The following GRB7 variants were observed in gnomAD, a reference collection of about 807,000 sequenced individuals.
GRB7 encodes growth factor receptor bound protein 7, also known as growth factor receptor-bound protein 7.
A neutral mutation model predicts 64.1 loss-of-function variants in GRB7; 47 were observed. The ratio of observed to expected loss-of-function variants is 0.73; its 90% CI spans 0.58 to 0.94. GRB7 has a LOEUF of 0.94. GRB7 is among the 40% of genes least tolerant of loss of function. GRB7 has a pLI of 0.00. For synonymous variants in GRB7, 277 were observed against 279.9 expected (o/e 0.99, Z 0.10); for missense variants, 634 against 718.4 (o/e 0.88, Z 1.34).
intron 14 of GRB7, among the ~76,000 whole-genome samples, chr17:39,746,457 T>G (rs2060047386): frequency 6.6e-6 from 1 of 151,488 alleles, no homozygotes; most frequent in Non-Finnish European, 1.5e-5. Context: ...TCTCTACAAA[T>G]AATTTAAAAA....
rs372452907 is a variant in GRB7 at position 39,743,480 on chromosome 17, C to T, written c.663+10C>T. 56 of 1,608,954 alleles carry T rather than the reference C, an allele frequency of 3.5e-5. No individual in the cohort carries two copies. The highest frequency in any genetic ancestry group is 2.9e-4 in the South Asian group (26 of 90,954). ...TGAAGACCTCATCCAGGTGGGGGGA[C>T]CCCCCATTTCACTGCAGATTCACGA... On this transcript the variant is annotated intron_variant, in intron 6 of 14. Coordinates refer to ENST00000309156, the MANE Select transcript of GRB7 (RefSeq NM_005310.5).
In GRB7 at chr17:39,739,850, C is replaced by G. The variant is rs529045730; in HGVS notation, c.-51+1717C>G. 129 of 263,726 alleles carry G rather than the reference C, an allele frequency of 4.9e-4. 1 individual carries two copies. The highest frequency in any genetic ancestry group is 2.7e-3 in the African/African-American group (119 of 43,554). 16.3% of individuals were successfully genotyped at this position (263,726 alleles called of 1,614,324 possible). On this transcript the variant is annotated intron_variant, in intron 1 of 14. Transcript: ENST00000309156. ...GCCTCAGTTTGAAAACTCCAGATCT[C>G]TAAGCTGCCAGGCCCACAGCCAGGA...
At chr17:39,738,977 G>A in intron 1 of GRB7, 2 of 1,508,934 alleles carry the variant, frequency 1.3e-6, no homozygotes, top group African/African-American at 1.4e-5. Flanking sequence ...AAGGCTGGAG[G>A]GGTGTATGAG....
At chr17:39,744,356 C>G in intron 7 of GRB7, 149 bp downstream of exon 7, 2 of 988,838 alleles carry the variant, frequency 2.0e-6, no homozygotes, top group Non-Finnish European at 3.1e-6. Flanking sequence ...ACATCCTTGC[C>G]TAGCTCACCT....
At chr17:39,743,325 G>A (rs2143411334) in intron 5 of GRB7, 24 bp downstream of exon 5, 1 of 1,614,184 alleles carries the variant, frequency 6.2e-7, no homozygotes, top group Middle Eastern at 1.6e-4. Flanking sequence ...GGCTGTCTGG[G>A]CGCTGGGATG....
chr17:39,744,507 G>A, intron 7 of GRB7, 46 bp from the exon 8 acceptor site: 1 of 1,480,096 alleles, frequency 6.8e-7, no homozygotes, highest in Non-Finnish European at 9.3e-7. Context: ...AGGTAATAGT[G>A]GGCGGGATCT....
chr17:39,744,585 G>T lies in GRB7; in HGVS notation c.834G>T (p.Val278=). 1 of 1,612,022 alleles carries T rather than the reference G, an allele frequency of 6.2e-7. No individual in the cohort carries two copies. Among genetic ancestry groups the T allele is most frequent in the South Asian group, 1.1e-5 (1 of 90,606 alleles). Residue 278 remains valine, a synonymous_variant, in exon 8 of 15, where the codon GTG becomes GTT. Transcript: ENST00000309156. ...GGCACCTGCAGTACGTGGCAGATGT[G>T]AACGAGTCCAACGTGTACGTGGTGA... The part of the protein sequence containing the change: ...DPRHLQYVAD[V]NESNVYVVTQ...
Position 39,743,436 on chromosome 17 carries a change from C to T in GRB7, c.629C>T (p.Ala210Val), listed in dbSNP as rs772797201. 4 of 1,614,062 alleles carry T rather than the reference C, an allele frequency of 2.5e-6. No homozygotes were observed. The African/African-American group carries it at 4.0e-5, about 16-fold the overall frequency. ...AAAATGGTCTCCAGCTGTCTCGATG[C>T]ACACACTGGTATATCCCATGAAGAC... Reference protein sequence around the residue: ...PEKMVSSCLDAHTGISHEDLI... With the variant: ...PEKMVSSCLDVHTGISHEDLI... The change falls in exon 6 of 15, where the codon GCA (alanine) becomes GTA (valine). Residue 210 changes from alanine (A) to valine (V), a missense_variant. Coordinates refer to ENST00000309156, the MANE Select transcript of GRB7 (RefSeq NM_005310.5).
In GRB7 at chr17:39,744,911, A is replaced by G. The variant is rs768565660; in HGVS notation, c.938A>G (p.Lys313Arg). The G allele has an allele frequency of 2.7e-5, 43 of 1,614,102 alleles. No homozygotes were observed. Among genetic ancestry groups the G allele is most frequent in the Non-Finnish European group, 3.6e-5 (42 of 1,179,956 alleles). The change falls in exon 9 of 15, where the codon AAG (lysine) becomes AGG (arginine). Residue 313 changes from lysine (K) to arginine (R), a missense_variant. Around this residue, in one of 2 missense-constraint regions of GRB7, gnomAD observed 467 missense variants for 576.6 expected, o/e 0.81. Transcript: ENST00000309156. ...VKPNKLRNGH[K>R]GLRIFCSEDE... The stretch of plus-strand genomic sequence containing the variant: ...CCCAACAAGCTTCGAAATGGCCACA[A>G]GGGGCTTCGGATCTTCTGCAGTGAA...
chr17:39,744,841 G>A (rs778367305), intron 8 of GRB7, 45 bp from the exon 9 acceptor site: 3 of 1,512,852 alleles, frequency 2.0e-6, no homozygotes, highest in African/African-American at 1.4e-5. Flanking sequence ...CAGACATGTG[G>A]TCCTAAAGGC....
chr17:39,745,759 T>C lies in GRB7; in HGVS notation c.1241T>C (p.Met414Thr), dbSNP rs2143427900. ...KKTNHRLSLPMPASGTSLSAA... is the reference protein window; with the variant it reads ...KKTNHRLSLPTPASGTSLSAA... ...ACAAACCACCGCCTCAGCCTGCCCA[T>C]GCCAGCCTCCGGCACGAGCCTCAGT... Residue 414 changes from methionine (M) to threonine (T), a missense_variant, in exon 12 of 15, where the codon ATG (methionine) becomes ACG (threonine). Physicochemically the swap from Met to Thr is moderately conservative, Grantham distance 81. Coordinates refer to ENST00000309156, the MANE Select transcript of GRB7 (RefSeq NM_005310.5). 2.5e-6 allele frequency: 4 copies of C among 1,613,980 alleles called. No homozygotes were observed. The highest frequency in any genetic ancestry group is 2.2e-5 in the East Asian group (1 of 44,882).
At chr17:39,745,836 T>C (rs2060040952) in intron 12 of GRB7, 48 bp downstream of exon 12, 1 of 1,612,956 alleles carries the variant, frequency 6.2e-7, no homozygotes, top group South Asian at 1.1e-5. Context: ...TCAACTTCTC[T>C]TTGTATTCCC....
intron 1 of GRB7, chr17:39,739,114 A>C (rs2059974301): frequency 2.1e-6 from 1 of 475,038 alleles, no homozygotes; most frequent in Non-Finnish European, 3.7e-6. Flanking sequence ...TTGAGGACAG[A>C]GAATGAATGC....
chr17:39,742,416 G>T lies in GRB7; in HGVS notation c.115G>T (p.Val39Leu). 1 of 1,613,980 alleles carries T rather than the reference G, an allele frequency of 6.2e-7. No homozygotes were observed. Among genetic ancestry groups the T allele is most frequent in the Non-Finnish European group, 8.5e-7 (1 of 1,180,014 alleles). ...RPPDTPLPEE[V>L]KRSQPLLIPT... ...CCCTGATACCCCTCTGCCTGAGGAG[G>T]TAAAGAGGTCCCAGCCTCTCCTCAT... Residue 39 changes from valine (V) to leucine (L), a missense_variant, in exon 2 of 15, where the codon GTA becomes TTA. Physicochemically the swap from Val to Leu is conservative, Grantham distance 32. Around this residue, in one of 2 missense-constraint regions of GRB7, gnomAD observed 167 missense variants for 141.9 expected, o/e 1.18. Coordinates refer to ENST00000309156, the MANE Select transcript of GRB7 (RefSeq NM_005310.5).
intron 1 of GRB7, chr17:39,740,089 C>A (rs891372207): frequency 1.0e-6 from 1 of 985,484 alleles, no homozygotes; most frequent in African/African-American, 1.7e-5. Flanking sequence ...CTCTCCCCAC[C>A]CCACTGTTGG....
chr17:39,743,959 C>A, intron 6 of GRB7, 111 bp from the exon 7 acceptor site: 1 of 1,400,496 alleles, frequency 7.1e-7, no homozygotes, highest in South Asian at 1.4e-5. Context: ...TGCCACCGCA[C>A]TAGCATGAGA....
In GRB7 at chr17:39,743,174, C is replaced by A; in HGVS notation, c.464-6C>A. ...AATAACCCCTGCTTTTTGCCCTTGT[C>A]CCCAGAGCGGGGTTTGGAGGACCAC... is the stretch of plus-strand genomic sequence containing the variant. On this transcript the variant is annotated splice_region_variant and splice_polypyrimidine_tract_variant and intron_variant, in intron 4 of 14. Coordinates refer to ENST00000309156, the MANE Select transcript of GRB7 (RefSeq NM_005310.5). 1 of 1,612,744 alleles carries A rather than the reference C, an allele frequency of 6.2e-7. No homozygotes were observed. Among genetic ancestry groups the A allele is most frequent in the Non-Finnish European group, 8.5e-7 (1 of 1,179,542 alleles).
rs948698143 is a variant in GRB7, at chr17:39,744,132, A to T, written c.726A>T (p.Gly242=). 30 of 1,614,078 alleles carry T rather than the reference A, an allele frequency of 1.9e-5. No homozygotes were observed. The highest frequency in any genetic ancestry group is 2.4e-5 in the Non-Finnish European group (28 of 1,180,020). ...IQGFLQLRGS[G]RKLWKRFFCF... ...GCTTTCTGCAGCTGCGGGGTTCAGG[A>T]CGGAAGCTTTGGAAACGCTTTTTCT... is the stretch of plus-strand genomic sequence containing the variant. The change falls in exon 7 of 15, where the codon GGA becomes GGT. Residue 242 remains glycine (G), a synonymous_variant. Coordinates refer to ENST00000309156, the MANE Select transcript of GRB7 (RefSeq NM_005310.5).
chr17:39,745,402 T>C lies in GRB7; in HGVS notation c.1093-20T>C. The C allele has an allele frequency of 1.2e-6, 2 of 1,612,554 alleles. No homozygotes were observed. The highest frequency in any genetic ancestry group is 1.7e-6 in the Non-Finnish European group (2 of 1,178,678). ...TACCTGGGCCCTGTTCTGACCTCTC[T>C]CCTCTCCTTCCATCTCCAGAGAAGT... On this transcript the variant is annotated intron_variant, in intron 10 of 14. Transcript: ENST00000309156.
Sources: gnomAD v4.1 joint callset for allele counts (sites outside exome capture counted in the v4.1 genomes callset) on GRCh38, gnomAD v4.1.1 for gene constraint, gnomAD v4.1.1 regional missense constraint, MANE v1.5 for transcripts, NCBI Gene and HGNC (gene_info 2026-07-23, HGNC 2026-07-21) for gene names.